CLDN14: variants seen among roughly 807,000 people sequenced by gnomAD.
CLDN14 encodes the protein claudin 14, also known as claudin-14.
In CLDN14, 2 loss-of-function variants were observed where a neutral mutation model predicts 2.1. The ratio of observed to expected loss-of-function variants is 0.96; its 90% CI spans 0.39 to 3.01. The LOEUF (loss-of-function observed/expected upper bound fraction) is 3.01. Among genes scored for constraint, CLDN14 ranks in the 30% most tolerant of loss-of-function variants. The pLI is 0.09. For missense variants in CLDN14, 298 were observed against 328.0 expected, an observed-to-expected ratio of 0.91 and a Z score of 0.71; for synonymous variants, 136 against 154.4, an observed-to-expected ratio of 0.88 and a Z score of 0.88.
chr21:36,471,204 A>G (rs56751568), intron 1 of CLDN14, among the ~76,000 whole-genome samples: 2,171 of 133,930 alleles, frequency 0.016, 35 homozygotes, highest in African/African-American at 0.063. Context: ...TCCTGTCTCT[A>G]CAAAAAACAA....
intron 2 of CLDN14, among the ~76,000 whole-genome samples, chr21:36,488,261 C>CCTT (rs2086920077): frequency 6.7e-6 from 1 of 149,936 alleles, no homozygotes; most frequent in Admixed American, 6.7e-5. Context: ...TTCCTTCCTT[C>CCTT]CTTCCTTCCT....
chr21:36,512,805 G>T (rs572595031), intron 1 of CLDN14, among the ~76,000 whole-genome samples: 1 of 152,338 alleles, frequency 6.6e-6, no homozygotes, highest in Non-Finnish European at 1.5e-5. Flanking sequence ...GGGGAGGGAA[G>T]TGAGACTGGG....
At chr21:36,554,663 T>C (rs532076538) in intron 1 of CLDN14, among the ~76,000 whole-genome samples, 14 of 152,276 alleles carry the variant, frequency 9.2e-5, no homozygotes, top group African/African-American at 3.4e-4. Flanking sequence ...GTCGGCATTC[T>C]GATTTTTGAG....
chr21:36,497,119 GAGGA>G (rs2087033682), intron 2 of CLDN14, among the ~76,000 whole-genome samples: 2 of 33,812 alleles, frequency 5.9e-5, no homozygotes, highest in African/African-American at 1.2e-4. Context: ...GGAAGGGAGG[GAGGA>G]AGGGAGGAAG....
At chr21:36,463,191 C>T (rs2086602225) in intron 1 of CLDN14, among the ~76,000 whole-genome samples, 1 of 152,174 alleles carries the variant, frequency 6.6e-6, no homozygotes, top group South Asian at 2.1e-4. Flanking sequence ...CTGGCTGCGC[C>T]CATCCAGTGG....
At chr21:36,489,551 C>T (rs219733) in intron 2 of CLDN14, among the ~76,000 whole-genome samples, 125,781 of 151,998 alleles carry the variant, frequency 0.83, 52,829 homozygotes, top group Middle Eastern at 0.94. Context: ...TCTCACGGGA[C>T]GAGGCAGCTG....
chr21:36,515,821 C>G (rs1193066529), intron 1 of CLDN14, among the ~76,000 whole-genome samples: 1 of 108,234 alleles, frequency 9.2e-6, no homozygotes, highest in African/African-American at 3.7e-5. Flanking sequence ...GAGTCTCACT[C>G]TGTCACCCAG....
intron 1 of CLDN14, among the ~76,000 whole-genome samples, chr21:36,556,594 G>C (rs1265520114): frequency 1.3e-5 from 2 of 152,134 alleles, no homozygotes; most frequent in African/African-American, 4.8e-5. Flanking sequence ...ATCCTCAGTG[G>C]GAGGCTGGTA....
upstream of CLDN14, among the ~76,000 whole-genome samples, chr21:36,484,983 A>T (rs1280170629): frequency 2.0e-5 from 3 of 152,030 alleles, no homozygotes; most frequent in African/African-American, 7.2e-5. Context: ...AAGTGCTGGG[A>T]TTACAGGCAT....
intron 1 of CLDN14, among the ~76,000 whole-genome samples, chr21:36,554,359 A>G (rs1192353429): frequency 6.6e-6 from 1 of 152,114 alleles, no homozygotes; most frequent in East Asian, 1.9e-4. Context: ...AGGAACACAG[A>G]CCCAGTCTCA....
chr21:36,506,182 C>T (rs60663524), intron 2 of CLDN14, among the ~76,000 whole-genome samples: 6,729 of 152,240 alleles, frequency 0.044, 492 homozygotes, highest in African/African-American at 0.15. Context: ...GATTAGTATG[C>T]ACCATTAAAA....
chr21:36,525,668 G>A (rs901524547), intron 1 of CLDN14, among the ~76,000 whole-genome samples: 2 of 152,136 alleles, frequency 1.3e-5, no homozygotes, highest in Non-Finnish European at 2.9e-5. Flanking sequence ...TGATGGGTGT[G>A]GCAGCCACAT....
intron 1 of CLDN14, among the ~76,000 whole-genome samples, chr21:36,539,358 A>AGT (rs1233667938): frequency 7.1e-6 from 1 of 141,650 alleles, no homozygotes; most frequent in Non-Finnish European, 1.5e-5. Context: ...GTGTGGAGTG[A>AGT]GTGTATGTGC....
At chr21:36,504,692 T>G (rs1473281974) in intron 2 of CLDN14, among the ~76,000 whole-genome samples, 1 of 152,176 alleles carries the variant, frequency 6.6e-6, no homozygotes, top group Non-Finnish European at 1.5e-5. Context: ...TCCCCAAATT[T>G]CACATTTTGC....
chr21:36,491,711 C>G (rs1174562684), intron 2 of CLDN14, among the ~76,000 whole-genome samples: 1 of 152,140 alleles, frequency 6.6e-6, no homozygotes, highest in Non-Finnish European at 1.5e-5. Context: ...GCCTGGAGTA[C>G]ATGCCTCGGG....
intron 1 of CLDN14, among the ~76,000 whole-genome samples, chr21:36,519,440 G>T (rs2087251929): frequency 6.6e-6 from 1 of 152,148 alleles, no homozygotes; most frequent in Non-Finnish European, 1.5e-5. Flanking sequence ...AGCCAGACGT[G>T]GTGGCTCTTG....
At chr21:36,552,309 G>A (rs1188395613) in intron 1 of CLDN14, among the ~76,000 whole-genome samples, 1 of 152,222 alleles carries the variant, frequency 6.6e-6, no homozygotes, top group South Asian at 2.1e-4. Flanking sequence ...CTGCAAAGAC[G>A]CATGCACTTT....
chr21:36,507,981 T>C (rs1445298406), intron 2 of CLDN14, among the ~76,000 whole-genome samples: 1 of 152,216 alleles, frequency 6.6e-6, no homozygotes, highest in Non-Finnish European at 1.5e-5. Context: ...TAAATAAAAA[T>C]ATACACACAT....
chr21:36,573,494 T>A (rs2087723381), intron 1 of CLDN14, among the ~76,000 whole-genome samples: 3 of 152,182 alleles, frequency 2.0e-5, no homozygotes. Flanking sequence ...ATATGAAATA[T>A]TTATTTCATT....
Sources: allele counts gnomAD v4.1 joint callset (sites outside exome capture counted in the v4.1 genomes callset), GRCh38; gene constraint gnomAD v4.1.1; transcripts MANE v1.5; gene names NCBI Gene and HGNC (gene_info 2026-07-23, HGNC 2026-07-21).